Variants in PDLIM5 observed in about 807,000 individuals in gnomAD.
PDLIM5 encodes the protein PDZ and LIM domain protein 5.
Under a neutral mutation model 64.2 loss-of-function variants are expected in PDLIM5, and 34 were observed. The ratio of observed to expected loss-of-function variants is 0.53; its 90% CI spans 0.40 to 0.71. The LOEUF is 0.71. Ranked by LOEUF, PDLIM5 falls within the 30% of genes least tolerant of loss-of-function variation. The pLI is 0.00. For missense variants in PDLIM5, 683 were observed against 733.6 expected (o/e 0.93, Z 0.80); for synonymous variants, 253 against 269.1 (o/e 0.94, Z 0.59).
chr4:94,489,361 A>G (rs1407346446), intron 2 of PDLIM5, among the ~76,000 whole-genome samples: 1 of 152,152 alleles, frequency 6.6e-6, no homozygotes, highest in Non-Finnish European at 1.5e-5. Context: ...ATACATGTAT[A>G]TTATACATAC....
intron 3 of PDLIM5, among the ~76,000 whole-genome samples, chr4:94,569,914 C>T (rs1578395455): frequency 1.3e-5 from 2 of 152,152 alleles, no homozygotes; most frequent in East Asian, 1.9e-4. Context: ...ATATCACTCA[C>T]GCTCTGCCCT....
At chr4:94,537,323 A>C (rs1463521356) in intron 3 of PDLIM5, among the ~76,000 whole-genome samples, 1 of 152,214 alleles carries the variant, frequency 6.6e-6, no homozygotes, top group Non-Finnish European at 1.5e-5. Flanking sequence ...GACTTTCCAG[A>C]TTCTTTTGTT....
intron 7 of PDLIM5, among the ~76,000 whole-genome samples, chr4:94,593,503 T>C (rs1736833649): frequency 6.6e-6 from 1 of 152,064 alleles, no homozygotes; most frequent in Non-Finnish European, 1.5e-5. Context: ...CTCACATGGC[T>C]TTTTCTCTGT....
At chr4:94,634,885 G>T (rs1381718859) in intron 8 of PDLIM5, among the ~76,000 whole-genome samples, 5 of 152,130 alleles carry the variant, frequency 3.3e-5, no homozygotes, top group African/African-American at 1.2e-4. Context: ...TAGCAACTCT[G>T]TATATTGTGG....
intron 7 of PDLIM5, among the ~76,000 whole-genome samples, chr4:94,599,597 T>C (rs1737331885): frequency 6.6e-6 from 1 of 152,164 alleles, no homozygotes; most frequent in East Asian, 1.9e-4. Context: ...CTTAGGGGAA[T>C]GTATCATTAA....
intron 11 of PDLIM5, among the ~76,000 whole-genome samples, chr4:94,662,040 C>T (rs934803750): frequency 6.6e-6 from 1 of 152,062 alleles, no homozygotes; most frequent in Non-Finnish European, 1.5e-5. Context: ...AGGATGGTCT[C>T]AATCTCTTGA....
At chr4:94,556,075 G>T (rs868364612) in intron 3 of PDLIM5, among the ~76,000 whole-genome samples, 17 of 141,684 alleles carry the variant, frequency 1.2e-4, no homozygotes, top group Admixed American at 7.2e-4. Flanking sequence ...CCCACAACAG[G>T]CCCCGGTGTG....
At chr4:94,484,215 C>T (rs3805309) in intron 2 of PDLIM5, among the ~76,000 whole-genome samples, 32,078 of 152,000 alleles carry the variant, frequency 0.21, 4,116 homozygotes, top group African/African-American at 0.36. Flanking sequence ...AAACAGGACC[C>T]GGCTTCTGGA....
chr4:94,534,121 A>T (rs1470487710), intron 3 of PDLIM5, among the ~76,000 whole-genome samples: 1 of 152,198 alleles, frequency 6.6e-6, no homozygotes, highest in Non-Finnish European at 1.5e-5. Context: ...AGTCTTGTTT[A>T]TTCTGCTAAC....
chr4:94,625,613 C>T (rs753213556), intron 8 of PDLIM5, among the ~76,000 whole-genome samples: 43 of 152,052 alleles, frequency 2.8e-4, no homozygotes, highest in South Asian at 4.2e-4. Context: ...CCACCATGCC[C>T]GGCTAATGTT....
intron 8 of PDLIM5, among the ~76,000 whole-genome samples, chr4:94,619,792 AT>A (rs1228425051): frequency 6.6e-6 from 1 of 151,642 alleles, no homozygotes; most frequent in Non-Finnish European, 1.5e-5. Context: ...TATTATTATT[AT>A]TTTTTTTCTG....
At chr4:94,460,282 A>C (rs72874763) in intron 2 of PDLIM5, among the ~76,000 whole-genome samples, 2,946 of 152,298 alleles carry the variant, frequency 0.019, 74 homozygotes, top group African/African-American at 0.061. Context: ...TTTCTGCTCT[A>C]TGATTTGTAA....
At chr4:94,498,860 C>T (rs1727644834) in intron 2 of PDLIM5, among the ~76,000 whole-genome samples, 1 of 152,180 alleles carries the variant, frequency 6.6e-6, no homozygotes, top group African/African-American at 2.4e-5. Context: ...TTTATAAAGC[C>T]TGTTTTACTT....
intron 7 of PDLIM5, among the ~76,000 whole-genome samples, chr4:94,591,258 G>C (rs576673423): frequency 6.6e-6 from 1 of 152,282 alleles, no homozygotes; most frequent in South Asian, 2.1e-4. Context: ...TAATTTCCTT[G>C]CACATTCTTT....
chr4:94,508,167 T>C (rs767469790), intron 2 of PDLIM5, among the ~76,000 whole-genome samples: 52 of 152,186 alleles, frequency 3.4e-4, no homozygotes, highest in Non-Finnish European at 6.3e-4. Context: ...AGCTGTTTTT[T>C]GTGATTGTGC....
rs2110518582 is a variant in PDLIM5, at chr4:94,668,207, G to T, written c.*4140G>T. 1 of 152,220 alleles carries T rather than the reference G, an allele frequency of 6.6e-6. No homozygotes were observed. The highest frequency in any genetic ancestry group is 1.9e-4 in the East Asian group (1 of 5,180). The allele number at this position is 152,220 out of a possible 1,614,324, so 9.4% of individuals were successfully genotyped here. A position where few individuals can be genotyped will look rare whatever the true frequency, so the allele number is the denominator to read the frequency against. Reference sequence around the variant, plus strand: ...ATGTGCACATACTCAATAAATAAATGACTGCATTGTTGTAAATGAGCTCTC... The same window carrying T: ...ATGTGCACATACTCAATAAATAAATTACTGCATTGTTGTAAATGAGCTCTC... On this transcript the variant is annotated 3_prime_UTR_variant, in exon 13 of 13. Transcript: ENST00000317968.
At chr4:94,633,912 C>G (rs1431884743) in intron 8 of PDLIM5, among the ~76,000 whole-genome samples, 1 of 151,980 alleles carries the variant, frequency 6.6e-6, no homozygotes, top group Non-Finnish European at 1.5e-5. Context: ...AGGGAGCAAG[C>G]CGTGTGAACA....
intron 7 of PDLIM5, among the ~76,000 whole-genome samples, chr4:94,605,090 T>A (rs10033326): frequency 0.47 from 71,706 of 151,952 alleles, 17,367 homozygotes; most frequent in South Asian, 0.76. Flanking sequence ...GAGAAACTAC[T>A]GCATTTTAAA....
intron 5 of PDLIM5, chr4:94,577,507 A>G (rs968709814): frequency 3.1e-5 from 11 of 349,760 alleles, no homozygotes; most frequent in Non-Finnish European, 5.6e-5. Context: ...GTATCCTTCA[A>G]AAAAGAATGT....
Sources: allele counts gnomAD v4.1 joint callset (sites outside exome capture counted in the v4.1 genomes callset), GRCh38; gene constraint gnomAD v4.1.1; transcripts MANE v1.5; gene names NCBI Gene and HGNC (gene_info 2026-07-23, HGNC 2026-07-21).